Variants in TINAG observed in about 807,000 individuals in gnomAD.
TINAG encodes tubulointerstitial nephritis antigen.
Under a neutral mutation model 72.7 loss-of-function variants are expected in TINAG, and 83 were observed. That is an observed-to-expected ratio of 1.14 (90% confidence interval 0.96 to 1.37). The LOEUF is 1.37. TINAG is among the 40% of genes most tolerant of loss of function. The pLI, the probability that TINAG is intolerant of heterozygous loss-of-function variation, is 0.00. For synonymous variants in TINAG, 234 were observed against 189.9 expected (o/e 1.23, Z -1.91); for missense variants, 685 against 576.6 (o/e 1.19, Z -1.93).
At chr6:54,353,089 T>C (rs963163496) in intron 8 of TINAG, among the ~76,000 whole-genome samples, 3 of 151,810 alleles carry the variant, frequency 2.0e-5, no homozygotes, top group Non-Finnish European at 2.9e-5. Flanking sequence ...TATATAGTTA[T>C]ATATTCGTGA....
chr6:54,308,748 A>G lies in TINAG; in HGVS notation c.198A>G (p.Arg66=), dbSNP rs1340305117. 3.7e-6 allele frequency: 6 copies of G among 1,613,930 alleles called. No individual in the cohort carries two copies. Among genetic ancestry groups the G allele is most frequent in the Non-Finnish European group, 5.1e-6 (6 of 1,179,902 alleles). Residue 66 remains arginine, a synonymous_variant, in exon 1 of 11, where the codon AGA becomes AGG. Transcript: ENST00000259782. ...GAAATTTTGGCTGTTGTGAAGACAG[A>G]GATGATGGCTGTGTCACTGAGTTCT... is the stretch of plus-strand genomic sequence containing the variant. The part of the protein sequence containing the change: ...YCRNFGCCED[R]DDGCVTEFYA...
At chr6:54,372,921 AAGTC>A (rs1304969460) in intron 9 of TINAG, among the ~76,000 whole-genome samples, 1 of 151,976 alleles carries the variant, frequency 6.6e-6, no homozygotes, top group Non-Finnish European at 1.5e-5. Context: ...ACCAAAGAGA[AAGTC>A]AGCCCAAGTC....
rs1487714279 is a variant in TINAG, at chr6:54,314,466, G to T, written c.355+5561G>T. Among the ~76,000 whole-genome samples the T allele has an allele frequency of 3.7e-4, 56 of 152,104 alleles. 1 individual carries two copies. The highest frequency in any genetic ancestry group is 3.7e-3 in the Admixed American group (56 of 15,260). ...TTCTTTGGCCAGAATATAGTCACAT[G>T]GACATACCAACCATCAAAGAGAGGT... is the stretch of plus-strand genomic sequence containing the variant. On this transcript the variant is annotated intron_variant, in intron 1 of 10. Coordinates refer to ENST00000259782, the MANE Select transcript of TINAG (RefSeq NM_014464.4).
At chr6:54,361,021 C>A (rs1038940940) in intron 9 of TINAG, among the ~76,000 whole-genome samples, 9 of 150,054 alleles carry the variant, frequency 6.0e-5, no homozygotes, top group Admixed American at 4.0e-4. Context: ...GTTATGGTGA[C>A]CTGTGATTGG....
intron 4 of TINAG, among the ~76,000 whole-genome samples, chr6:54,330,250 A>G (rs1582708550): frequency 6.6e-6 from 1 of 152,214 alleles, no homozygotes; most frequent in Non-Finnish European, 1.5e-5. Context: ...TTGCAAAAGA[A>G]TGGAAATCAT....
chr6:54,317,533 T>G (rs1784400161), intron 1 of TINAG, among the ~76,000 whole-genome samples: 1 of 152,168 alleles, frequency 6.6e-6, no homozygotes, highest in African/African-American at 2.4e-5. Flanking sequence ...TTCCTTCGTC[T>G]TTTGCAATGA....
chr6:54,385,979 C>T (rs1764088790), intron 10 of TINAG, among the ~76,000 whole-genome samples: 1 of 147,048 alleles, frequency 6.8e-6, no homozygotes, highest in Non-Finnish European at 1.5e-5. Context: ...CATCCTCTAC[C>T]TCCCAGGTTC....
At position 54,368,432 on chromosome 6, in the gene TINAG, G is replaced by A. The variant is rs550042783; in HGVS notation, c.1251-12094G>A. On this transcript the variant is annotated intron_variant, in intron 9 of 10. Coordinates refer to ENST00000259782, the MANE Select transcript of TINAG (RefSeq NM_014464.4). ...AATTATGTCAAAAGTATGCCTGAAAGATATTTGGGCATATGATGTGTGGTG... is the reference window on the plus strand; with the variant it reads ...AATTATGTCAAAAGTATGCCTGAAAAATATTTGGGCATATGATGTGTGGTG... Among the ~76,000 whole-genome samples the A allele has an allele frequency of 8.0e-5, 12 of 149,812 alleles. No individual in the cohort carries two copies. The South Asian group carries it at 2.5e-3, about 31-fold the overall frequency.
At chr6:54,349,934 T>G in intron 7 of TINAG, 38 bp downstream of exon 7, 1 of 1,462,678 alleles carries the variant, frequency 6.8e-7, no homozygotes, top group South Asian at 1.5e-5. Flanking sequence ...TAGTTGGCTT[T>G]CTCAAATGTA....
At chr6:54,347,653 G>A in intron 6 of TINAG, 136 bp downstream of exon 6, 2 of 906,736 alleles carry the variant, frequency 2.2e-6, no homozygotes, top group Admixed American at 6.3e-5. Context: ...ATATAAATAT[G>A]CTACATTTAA....
At chr6:54,369,555 T>A (rs1465300010) in intron 9 of TINAG, among the ~76,000 whole-genome samples, 2 of 152,004 alleles carry the variant, frequency 1.3e-5, no homozygotes, top group East Asian at 3.9e-4. Flanking sequence ...TTTAAAATTA[T>A]ACATTTCATG....
At chr6:54,382,886 GA>G (rs756335802) in intron 10 of TINAG, among the ~76,000 whole-genome samples, 13 of 152,080 alleles carry the variant, frequency 8.5e-5, no homozygotes, top group Non-Finnish European at 1.6e-4. Context: ...ATTCCATTAT[GA>G]TGAGTTGAAG....
intron 1 of TINAG, among the ~76,000 whole-genome samples, chr6:54,316,490 C>A (rs3777652): frequency 0.7 from 105,722 of 152,064 alleles, 37,225 homozygotes; most frequent in Middle Eastern, 0.81. Flanking sequence ...CACTTGCAGC[C>A]GTTTCTCCAA....
intron 3 of TINAG, among the ~76,000 whole-genome samples, chr6:54,325,093 C>T (rs1379030144): frequency 2.6e-5 from 4 of 152,192 alleles, no homozygotes; most frequent in South Asian, 2.1e-4. Context: ...TAAACAAATG[C>T]TCTCTTCTTT....
chr6:54,347,580 G>A, intron 6 of TINAG, 63 bp downstream of exon 6: 11 of 1,528,758 alleles, frequency 7.2e-6, no homozygotes, highest in Admixed American at 2.1e-5. Context: ...GTTAGAACAA[G>A]GAAAATAATC....
chr6:54,351,698 C>G (rs940892979), intron 8 of TINAG, among the ~76,000 whole-genome samples: 2 of 151,812 alleles, frequency 1.3e-5, no homozygotes, highest in African/African-American at 4.8e-5. Flanking sequence ...AACAGAAAGT[C>G]CAACATGAAA....
intron 10 of TINAG, among the ~76,000 whole-genome samples, chr6:54,385,453 A>C (rs1047102062): frequency 6.7e-6 from 1 of 149,284 alleles, no homozygotes; most frequent in South Asian, 2.1e-4. Flanking sequence ...CAGGATGAAA[A>C]TAGCATAAAT....
At chr6:54,330,390 A>G (rs1784709398) in intron 4 of TINAG, among the ~76,000 whole-genome samples, 1 of 152,232 alleles carries the variant, frequency 6.6e-6, no homozygotes, top group Non-Finnish European at 1.5e-5. Flanking sequence ...AGAAATAAAT[A>G]AGTTCTTTGA....
chr6:54,371,800 G>A (rs1763616015), intron 9 of TINAG, among the ~76,000 whole-genome samples: 1 of 151,820 alleles, frequency 6.6e-6, no homozygotes, highest in Admixed American at 6.6e-5. Flanking sequence ...AAATCACTGT[G>A]GTAGAAAACA....
Sources: gnomAD v4.1 joint callset for allele counts (sites outside exome capture counted in the v4.1 genomes callset) on GRCh38, gnomAD v4.1.1 for gene constraint, MANE v1.5 for transcripts, NCBI Gene and HGNC (gene_info 2026-07-23, HGNC 2026-07-21) for gene names.